DLG2: variants seen among roughly 807,000 people sequenced by gnomAD.
DLG2 encodes the protein disks large homolog 2.
Under a neutral mutation model 132.5 loss-of-function variants are expected in DLG2, and 45 were observed. The observed-to-expected ratio is 0.34, with a 90% confidence interval of 0.27 to 0.44. The LOEUF (loss-of-function observed/expected upper bound fraction) is 0.44, where lower values mean the gene tolerates loss of function less well. Among genes scored for constraint, DLG2 ranks in the 20% least tolerant of loss-of-function variants. DLG2 has a pLI of 1.00. For synonymous variants in DLG2, 424 were observed against 419.6 expected (o/e 1.01, Z -0.13); for missense variants, 1,045 against 1,196.9 (o/e 0.87, Z 1.87).
intron 7 of DLG2, among the ~76,000 whole-genome samples, chr11:84,388,062 G>C (rs1356229633): frequency 2.6e-5 from 4 of 152,046 alleles, no homozygotes; most frequent in Admixed American, 6.6e-5. Flanking sequence ...CTATCTTCTT[G>C]TTGTTCTACA....
chr11:85,344,932 G>C (rs1396133132), intron 3 of DLG2, among the ~76,000 whole-genome samples: 1 of 151,072 alleles, frequency 6.6e-6, no homozygotes, highest in African/African-American at 2.4e-5. Flanking sequence ...GCTCAAGACA[G>C]AGCAATAAAG....
intron 3 of DLG2, among the ~76,000 whole-genome samples, chr11:85,466,622 A>C (rs1438872194): frequency 6.6e-6 from 1 of 152,074 alleles, no homozygotes; most frequent in Non-Finnish European, 1.5e-5. Flanking sequence ...ATCGTTGTAG[A>C]TATGTGGCAT....
chr11:83,765,967 C>T (rs1371719842), intron 18 of DLG2, among the ~76,000 whole-genome samples: 1 of 152,092 alleles, frequency 6.6e-6, no homozygotes, highest in Admixed American at 6.5e-5. Context: ...CATACAATGT[C>T]CATTTTATTT....
At chr11:84,825,069 T>A (rs1451910071) in intron 6 of DLG2, among the ~76,000 whole-genome samples, 1 of 151,848 alleles carries the variant, frequency 6.6e-6, no homozygotes, top group Non-Finnish European at 1.5e-5. Flanking sequence ...CATCACCTAT[T>A]TATTATGGTT....
intron 6 of DLG2, among the ~76,000 whole-genome samples, chr11:84,725,052 G>A (rs2153803364): frequency 6.6e-6 from 1 of 152,264 alleles, no homozygotes; most frequent in South Asian, 2.1e-4. Flanking sequence ...GTTGGGGAAT[G>A]ATAATTCTTT....
chr11:84,490,467 C>T (rs1317358071), intron 7 of DLG2, among the ~76,000 whole-genome samples: 2 of 151,896 alleles, frequency 1.3e-5, no homozygotes, highest in Admixed American at 6.6e-5. Context: ...ATGTGAAAAG[C>T]TCAGGAAAAC....
intron 21 of DLG2, among the ~76,000 whole-genome samples, chr11:83,516,531 G>T (rs192165769): frequency 0.018 from 2,741 of 152,248 alleles, 39 homozygotes; most frequent in Non-Finnish European, 0.028. Context: ...TACATTTAAG[G>T]TTAGTATTGT....
intron 15 of DLG2, among the ~76,000 whole-genome samples, chr11:83,879,054 G>A (rs1396254556): frequency 6.6e-6 from 1 of 152,108 alleles, no homozygotes; most frequent in Non-Finnish European, 1.5e-5. Context: ...AATGAAATTT[G>A]AATGGTGCTG....
intron 5 of DLG2, among the ~76,000 whole-genome samples, chr11:85,123,213 G>T (rs1021712328): frequency 6.6e-6 from 1 of 151,436 alleles, no homozygotes; most frequent in Non-Finnish European, 1.5e-5. Context: ...TCCTGACCTC[G>T]TGATCCGCCC....
chr11:84,607,541 T>C (rs2099587996), intron 6 of DLG2, among the ~76,000 whole-genome samples: 1 of 152,114 alleles, frequency 6.6e-6, no homozygotes, highest in Admixed American at 6.6e-5. Flanking sequence ...AATTTCATAC[T>C]CTGTCTCCTG....
intron 3 of DLG2, among the ~76,000 whole-genome samples, chr11:85,545,554 G>C (rs569106751): frequency 5.9e-4 from 90 of 152,274 alleles, no homozygotes; most frequent in African/African-American, 2.0e-3. Context: ...AATAGTTTCA[G>C]AAGGAATGGT....
At chr11:84,547,734 G>A (rs1199130488) in intron 6 of DLG2, among the ~76,000 whole-genome samples, 2 of 152,064 alleles carry the variant, frequency 1.3e-5, no homozygotes, top group Non-Finnish European at 2.9e-5. Flanking sequence ...CTCAAAGCAT[G>A]TATGTCTCTG....
intron 18 of DLG2, among the ~76,000 whole-genome samples, chr11:83,753,514 T>C (rs1054243783): frequency 2.0e-5 from 3 of 151,636 alleles, no homozygotes; most frequent in African/African-American, 4.8e-5. Context: ...CTATACTGTA[T>C]AGCATAGTAG....
intron 6 of DLG2, among the ~76,000 whole-genome samples, chr11:84,603,952 G>A (rs936311216): frequency 5.3e-5 from 8 of 151,714 alleles, no homozygotes; most frequent in Non-Finnish European, 4.4e-5. Flanking sequence ...ATCACATGCT[G>A]GAATAAGGAA....
At chr11:85,188,619 T>C (rs1250508795) in intron 4 of DLG2, among the ~76,000 whole-genome samples, 1 of 152,164 alleles carries the variant, frequency 6.6e-6, no homozygotes, top group African/African-American at 2.4e-5. Flanking sequence ...AATTAAAGTA[T>C]GACTATAATG....
chr11:83,805,246 G>C (rs1394364856), intron 17 of DLG2, among the ~76,000 whole-genome samples: 1 of 151,912 alleles, frequency 6.6e-6, no homozygotes, highest in African/African-American at 2.4e-5. Context: ...TATGGATTAT[G>C]CTTTCTTGAA....
chr11:83,885,113 T>C (rs978342962), intron 15 of DLG2, among the ~76,000 whole-genome samples: 2 of 152,126 alleles, frequency 1.3e-5, no homozygotes, highest in Admixed American at 6.5e-5. Flanking sequence ...CTTTGACAAG[T>C]TGAGAGAAGA....
chr11:83,565,295 C>T (rs2096686460), intron 19 of DLG2, among the ~76,000 whole-genome samples: 2 of 152,162 alleles, frequency 1.3e-5, no homozygotes, highest in African/African-American at 4.8e-5. Context: ...GTTCACTCAG[C>T]AAACAAAGCA....
At chr11:84,639,989 A>T (rs1038274638) in intron 6 of DLG2, 10 of 229,040 alleles carry the variant, frequency 4.4e-5, no homozygotes, top group Non-Finnish European at 8.5e-5. Flanking sequence ...CATCTATGGC[A>T]AGAATGAAGA....
Sources: allele counts gnomAD v4.1 joint callset (sites outside exome capture counted in the v4.1 genomes callset), GRCh38; gene constraint gnomAD v4.1.1; transcripts MANE v1.5; gene names NCBI Gene and HGNC (gene_info 2026-07-23, HGNC 2026-07-21).